TRAPPC8: variants seen among roughly 807,000 people sequenced by gnomAD.
TRAPPC8 encodes general sporulation gene 1 homolog.
TRAPPC8 carries 54 observed loss-of-function variants against 174.3 expected under a neutral mutation model. The ratio of observed to expected loss-of-function variants is 0.31; its 90% CI spans 0.25 to 0.39. TRAPPC8 has a LOEUF of 0.39. Among genes scored for constraint, TRAPPC8 ranks in the 10% least tolerant of loss-of-function variants. TRAPPC8 has a pLI of 1.00. For synonymous variants in TRAPPC8, 630 were observed against 579.9 expected (o/e 1.09, Z -1.24); for missense variants, 1,531 against 1,699.1 (o/e 0.90, Z 1.74).
intron 2 of TRAPPC8, 124 bp downstream of exon 2, chr18:31,931,205 A>G (rs1034705938): frequency 9.8e-6 from 8 of 815,458 alleles, no homozygotes; most frequent in African/African-American, 7.0e-5. Flanking sequence ...TCAACATTGT[A>G]TTCTCAGGCC....
intron 14 of TRAPPC8, among the ~76,000 whole-genome samples, chr18:31,872,270 C>T (rs778319147): frequency 3.3e-5 from 5 of 151,880 alleles, no homozygotes; most frequent in Admixed American, 6.6e-5. Flanking sequence ...ACTTTTGTTC[C>T]ATTATTGCCA....
At chr18:31,893,474 A>G (rs2036055487) in intron 11 of TRAPPC8, among the ~76,000 whole-genome samples, 1 of 152,184 alleles carries the variant, frequency 6.6e-6, no homozygotes, top group African/African-American at 2.4e-5. Context: ...AAGCCATAAT[A>G]TATTAAAACA....
At chr18:31,898,028 C>A (rs1335952270) in intron 10 of TRAPPC8, 137 bp from the exon 11 acceptor site, 2 of 619,650 alleles carry the variant, frequency 3.2e-6, no homozygotes, top group South Asian at 4.2e-5. Context: ...CTCCAGGATA[C>A]TAAAATCCAA....
chr18:31,899,629 T>C (rs1263226008), intron 10 of TRAPPC8, among the ~76,000 whole-genome samples: 1 of 152,236 alleles, frequency 6.6e-6, no homozygotes, highest in East Asian at 1.9e-4. Context: ...TACTACTACG[T>C]AAGTCTTCAC....
chr18:31,926,349 T>A (rs1452438470), intron 2 of TRAPPC8: 3 of 152,176 alleles, frequency 2.0e-5, no homozygotes, highest in Non-Finnish European at 4.4e-5. Flanking sequence ...AATAGAGATT[T>A]CTTGAAGGAG....
At chr18:31,852,314 G>A in intron 24 of TRAPPC8, 132 bp downstream of exon 24, 1 of 928,710 alleles carries the variant, frequency 1.1e-6, no homozygotes, top group Non-Finnish European at 1.6e-6. Flanking sequence ...GTACTCCTGG[G>A]AGACAGAGCA....
intron 1 of TRAPPC8, among the ~76,000 whole-genome samples, chr18:31,934,963 T>TAAATAAAC (rs1311657346): frequency 4.0e-5 from 6 of 149,878 alleles, no homozygotes; most frequent in Admixed American, 2.7e-4. Flanking sequence ...AATAAATAAA[T>TAAATAAAC]AAATAAATAA....
intron 1 of TRAPPC8, among the ~76,000 whole-genome samples, chr18:31,940,705 G>T (rs1347034852): frequency 1.3e-5 from 2 of 151,810 alleles, no homozygotes; most frequent in African/African-American, 2.4e-5. Context: ...CACCATGTTG[G>T]CCAGGATGGT....
intron 2 of TRAPPC8, among the ~76,000 whole-genome samples, chr18:31,921,760 T>C (rs1487441495): frequency 3.3e-5 from 5 of 152,198 alleles, no homozygotes; most frequent in East Asian, 1.9e-4. Context: ...TGTGATTACA[T>C]ATTTCATTTA....
intron 14 of TRAPPC8, among the ~76,000 whole-genome samples, chr18:31,872,126 A>G (rs929871378): frequency 1.3e-5 from 2 of 151,558 alleles, no homozygotes; most frequent in African/African-American, 4.8e-5. Context: ...TTCATTCCCT[A>G]CCCTCCCAAG....
At chr18:31,888,603 T>C (rs1240191086) in intron 12 of TRAPPC8, among the ~76,000 whole-genome samples, 2 of 152,218 alleles carry the variant, frequency 1.3e-5, no homozygotes, top group African/African-American at 2.4e-5. Context: ...AGGAAAGAGA[T>C]CATGTCCTTT....
In TRAPPC8 at chr18:31,870,916, A is replaced by C. The variant is rs758265849; in HGVS notation, c.2257+10T>G. The C allele has an allele frequency of 6.6e-7, 1 of 1,516,346 alleles. No homozygotes were observed. Among genetic ancestry groups the C allele is most frequent in the Non-Finnish European group, 8.9e-7 (1 of 1,125,938 alleles). The allele number at this position is 1,516,346 out of a possible 1,614,324, so 93.9% of individuals were successfully genotyped here. On this transcript the variant is annotated intron_variant, in intron 15 of 28. Coordinates refer to ENST00000283351, the MANE Select transcript of TRAPPC8 (RefSeq NM_014939.5). ...AATAAAAAACAGAAATAAAAATTCA[A>C]GTATATCACCTTCTACAACTGCAAG... is the stretch of plus-strand genomic sequence containing the variant.
At chr18:31,835,785 T>C (rs986892615) in intron 27 of TRAPPC8, among the ~76,000 whole-genome samples, 3 of 152,242 alleles carry the variant, frequency 2.0e-5, no homozygotes, top group African/African-American at 7.2e-5. Flanking sequence ...TGAGGCTATT[T>C]GGTCAATGAA....
At position 31,913,415 on chromosome 18, in the gene TRAPPC8, G is replaced by A. The variant is rs866489043; in HGVS notation, c.725C>T (p.Pro242Leu). ...TSNRASDEQI[P>L]DPWSQYLQKN... is the part of the protein sequence containing the mutation. ...CTGGAGATACTGACTCCAAGGATCT[G>A]GTATCTGTTCATCTGATGCTCGATT... Residue 242 changes from proline (P) to leucine (L), a missense_variant, in exon 5 of 29, where the codon CCA becomes CTA. Pro to Leu is a moderately conservative substitution (Grantham distance 98). Transcript: ENST00000283351. 1 of 1,606,454 alleles carries A rather than the reference G, an allele frequency of 6.2e-7. No homozygotes were observed. Among genetic ancestry groups the A allele is most frequent in the African/African-American group, 1.3e-5 (1 of 74,422 alleles).
chr18:31,910,549 A>G lies in TRAPPC8; in HGVS notation c.772-789T>C, dbSNP rs144674937. Among the ~76,000 whole-genome samples, 21 of 152,346 alleles carry G rather than the reference A, an allele frequency of 1.4e-4. No homozygotes were observed. The South Asian group carries it at 3.7e-3, about 27-fold the overall frequency. On this transcript the variant is annotated intron_variant, in intron 5 of 28. Transcript: ENST00000283351. ...GGAAAACTAACATAGTCACTCCCAA[A>G]GGATCAAGCGTACAAGCAAAGGTCA...
At chr18:31,852,966 C>T in intron 22 of TRAPPC8, 1 of 297,786 alleles carries the variant, frequency 3.4e-6, no homozygotes, top group Non-Finnish European at 6.3e-6. Context: ...AGCCCATAAT[C>T]CTGCCACTCT....
intron 12 of TRAPPC8, among the ~76,000 whole-genome samples, chr18:31,882,551 T>A (rs1388471971): frequency 2.6e-5 from 4 of 152,114 alleles, no homozygotes; most frequent in African/African-American, 9.7e-5. Flanking sequence ...GAAGCCCAAA[T>A]CACAGCATTA....
In TRAPPC8 at chr18:31,942,766, G is replaced by A. The variant is rs762302458; in HGVS notation, c.-2C>T. On this transcript the variant is annotated 5_prime_UTR_variant, in exon 1 of 29. Transcript: ENST00000283351. ...CACTGATTGTACACACTGGGCCATC[G>A]CCGCAGCACAGGCAGCGGCGGCGCC... is the stretch of plus-strand genomic sequence containing the variant. 10 of 1,465,392 alleles carry A rather than the reference G, an allele frequency of 6.8e-6. No homozygotes were observed. Among genetic ancestry groups the A allele is most frequent in the African/African-American group, 1.5e-5 (1 of 68,612 alleles). The allele number at this position is 1,465,392 out of a possible 1,614,324, so 90.8% of individuals were successfully genotyped here.
intron 11 of TRAPPC8, among the ~76,000 whole-genome samples, chr18:31,894,144 G>C (rs1408581952): frequency 6.6e-6 from 1 of 152,206 alleles, no homozygotes; most frequent in East Asian, 1.9e-4. Context: ...TGCATGTGGA[G>C]AATCAGTTTC....
Sources: allele counts gnomAD v4.1 joint callset (sites outside exome capture counted in the v4.1 genomes callset), GRCh38; gene constraint gnomAD v4.1.1; transcripts MANE v1.5; gene names NCBI Gene and HGNC (gene_info 2026-07-23, HGNC 2026-07-21).